Variants in PUM2 observed in about 807,000 individuals in gnomAD.
The protein encoded by PUM2 is pumilio RNA binding family member 2.
PUM2 carries 57 observed loss-of-function variants against 124.5 expected under a neutral mutation model. That is an observed-to-expected ratio of 0.46 (90% confidence interval 0.37 to 0.57). The LOEUF is 0.57. PUM2 is among the 20% of genes least tolerant of loss of function. The pLI is 0.00. For missense variants in PUM2, 1,065 were observed against 1,290.6 expected, an observed-to-expected ratio of 0.83 and a Z score of 2.68; for synonymous variants, 460 against 446.1, an observed-to-expected ratio of 1.03 and a Z score of -0.39.
At chr2:20,330,567 T>C (rs1684703133) in intron 1 of PUM2, among the ~76,000 whole-genome samples, 2 of 152,324 alleles carry the variant, frequency 1.3e-5, no homozygotes, top group Admixed American at 6.5e-5. Flanking sequence ...TCTTGGAGGT[T>C]CCTGGAGAGT....
chr2:20,345,679 G>C (rs896061420), intron 1 of PUM2, among the ~76,000 whole-genome samples: 3 of 152,080 alleles, frequency 2.0e-5, no homozygotes, highest in African/African-American at 7.2e-5. Context: ...TTCAAGACCA[G>C]CCTGGCCAAC....
intron 3 of PUM2, among the ~76,000 whole-genome samples, chr2:20,317,030 C>G (rs1681115656): frequency 6.6e-6 from 1 of 151,020 alleles, no homozygotes; most frequent in African/African-American, 2.4e-5. Flanking sequence ...GACTCTGTCT[C>G]AGGGGAAAAA....
At chr2:20,312,445 A>C in intron 3 of PUM2, 22 bp from the exon 4 acceptor site, 1 of 1,585,760 alleles carries the variant, frequency 6.3e-7, no homozygotes, top group Non-Finnish European at 8.6e-7. Context: ...AAAAAACACA[A>C]TTATATACTT....
intron 7 of PUM2, among the ~76,000 whole-genome samples, chr2:20,301,634 T>C (rs2148411758): frequency 6.6e-6 from 1 of 152,266 alleles, no homozygotes; most frequent in South Asian, 2.1e-4. Context: ...TTGCCCAGGC[T>C]TGGGGTGCAG....
chr2:20,258,153 T>C, intron 16 of PUM2, 90 bp downstream of exon 16: 1 of 1,225,302 alleles, frequency 8.2e-7, no homozygotes, highest in Non-Finnish European at 1.1e-6. Context: ...TTAAGTCTTT[T>C]CACTTCAAGA....
intron 7 of PUM2, among the ~76,000 whole-genome samples, chr2:20,306,995 A>G (rs879424462): frequency 6.6e-5 from 10 of 151,738 alleles, no homozygotes; most frequent in Non-Finnish European, 1.5e-4. Flanking sequence ...GGGGCTGATC[A>G]CCTGAGATCC....
At chr2:20,330,747 A>C (rs558544336) in intron 1 of PUM2, among the ~76,000 whole-genome samples, 23 of 152,374 alleles carry the variant, frequency 1.5e-4, no homozygotes, top group African/African-American at 5.3e-4. Context: ...AGGTCAGAGG[A>C]ACACCTGATT....
intron 20 of PUM2, 42 bp downstream of exon 20, chr2:20,253,778 AAC>A (rs777674236): frequency 6.5e-7 from 1 of 1,529,000 alleles, no homozygotes; most frequent in African/African-American, 1.4e-5. Context: ...GTGTAGCCTA[AAC>A]ACAAAGACAA....
At chr2:20,325,871 T>C (rs1263036647) in intron 2 of PUM2, among the ~76,000 whole-genome samples, 2 of 152,192 alleles carry the variant, frequency 1.3e-5, no homozygotes, top group Non-Finnish European at 2.9e-5. Flanking sequence ...TCCGCCCACC[T>C]TGGACTCCCA....
chr2:20,327,747 T>C (rs915551143), intron 1 of PUM2, among the ~76,000 whole-genome samples: 1 of 152,154 alleles, frequency 6.6e-6, no homozygotes, highest in African/African-American at 2.4e-5. Flanking sequence ...AGGGAAGGCC[T>C]AGATGTGGAA....
intron 10 of PUM2, among the ~76,000 whole-genome samples, chr2:20,284,871 G>A (rs1672365359): frequency 6.6e-6 from 1 of 152,140 alleles, no homozygotes; most frequent in African/African-American, 2.4e-5. Flanking sequence ...AGTAAATACA[G>A]TAATTCTGAT....
In PUM2 at chr2:20,249,974, T is replaced by C. The variant is rs561408445; in HGVS notation, c.*1611A>G. 11 of 152,786 alleles carry C rather than the reference T, an allele frequency of 7.2e-5. No homozygotes were observed. Among genetic ancestry groups the C allele is most frequent in the African/African-American group, 2.4e-4 (10 of 41,598 alleles). The allele number at this position is 152,786 out of a possible 1,614,324, so 9.5% of individuals were successfully genotyped here. ...GTAAATGTACATCGTGTTACTGTTA[T>C]GTCTTATGTCCAGAGGAAAAAATGT... On this transcript the variant is annotated 3_prime_UTR_variant, in exon 21 of 21. Transcript: ENST00000361078.
At chr2:20,271,795 TAA>T (rs1197361608) in intron 13 of PUM2, among the ~76,000 whole-genome samples, 1 of 152,218 alleles carries the variant, frequency 6.6e-6, no homozygotes, top group Non-Finnish European at 1.5e-5. Flanking sequence ...TACAATTTTA[TAA>T]AAAGTTTACA....
chr2:20,350,391 T>A (rs1573072969), intron 1 of PUM2: 2 of 724,236 alleles, frequency 2.8e-6, no homozygotes, highest in African/African-American at 4.0e-5. Context: ...CGGCGCCCCC[T>A]CCCCCGCACG....
intron 1 of PUM2, among the ~76,000 whole-genome samples, chr2:20,341,435 A>G (rs1395050114): frequency 6.6e-6 from 1 of 152,194 alleles, no homozygotes; most frequent in Non-Finnish European, 1.5e-5. Context: ...TAAAAATACA[A>G]AGTTGCCTAA....
intron 1 of PUM2, among the ~76,000 whole-genome samples, chr2:20,330,523 G>C (rs1684689641): frequency 6.6e-6 from 1 of 152,186 alleles, no homozygotes; most frequent in Non-Finnish European, 1.5e-5. Flanking sequence ...AATTCCAAAA[G>C]ATCTGAGTTC....
Position 20,251,508 on chromosome 2 carries a change from G to T in PUM2, c.*77C>A. 1 of 1,458,442 alleles carries T rather than the reference G, an allele frequency of 6.9e-7. No homozygotes were observed. Among genetic ancestry groups the T allele is most frequent in the South Asian group, 1.4e-5 (1 of 72,282 alleles). 90.3% of individuals were successfully genotyped at this position (1,458,442 alleles called of 1,614,324 possible). On this transcript the variant is annotated 3_prime_UTR_variant, in exon 21 of 21. Transcript: ENST00000361078. ...AAAAAAATTGAAGATTCATAGTTGA[G>T]TTGTGTTTTGATAATTCACACACAA... is the stretch of plus-strand genomic sequence containing the variant.
intron 2 of PUM2, 60 bp from the exon 3 acceptor site, chr2:20,318,705 G>A: frequency 8.0e-7 from 1 of 1,251,314 alleles, no homozygotes; most frequent in South Asian, 1.2e-5. Context: ...TAATATATAA[G>A]AAGTCTCAAA....
chr2:20,336,176 C>T (rs763208826), intron 1 of PUM2, among the ~76,000 whole-genome samples: 10 of 150,014 alleles, frequency 6.7e-5, no homozygotes, highest in African/African-American at 2.2e-4. Flanking sequence ...ACACAAAAAG[C>T]GTTTTTTTGT....
Sources: allele counts gnomAD v4.1 joint callset (sites outside exome capture counted in the v4.1 genomes callset), GRCh38; gene constraint gnomAD v4.1.1; transcripts MANE v1.5; gene names NCBI Gene and HGNC (gene_info 2026-07-23, HGNC 2026-07-21).